GRM8: variants seen among roughly 807,000 people sequenced by gnomAD.
The protein encoded by GRM8 is metabotropic glutamate receptor 8.
In GRM8, 47 loss-of-function variants were observed where a neutral mutation model predicts 87.2. That is an observed-to-expected ratio of 0.54 (90% confidence interval 0.43 to 0.69). The LOEUF (loss-of-function observed/expected upper bound fraction) is 0.69, where lower values mean the gene tolerates loss of function less well. GRM8 is among the 30% of genes least tolerant of loss of function. The pLI is 0.00. For synonymous variants in GRM8, 396 were observed against 404.5 expected, an observed-to-expected ratio of 0.98 and a Z score of 0.25; for missense variants, 1,019 against 1,139.2, an observed-to-expected ratio of 0.89 and a Z score of 1.52.
intron 1 of GRM8, among the ~76,000 whole-genome samples, chr7:127,247,559 C>T (rs1297300548): frequency 6.6e-6 from 1 of 151,966 alleles, no homozygotes; most frequent in African/African-American, 2.4e-5. Flanking sequence ...TCCCATGCTG[C>T]AATATGTGTG....
rs35134983 is a variant in GRM8 at position 126,677,360 on chromosome 7, C to CAA, written c.1358-67864_1358-67863dup. 5.2e-3 allele frequency among the ~76,000 whole-genome samples: 600 copies of CAA among 115,840 alleles called. 1 individual carries two copies. Among genetic ancestry groups the CAA allele is most frequent in the Middle Eastern group, 9.3e-3 (2 of 216 alleles). The allele number at this position is 115,840 out of a possible 152,430, so 76.0% of individuals were successfully genotyped here. ...AATCCCACTACTAGGGGCATCCACC[C>CAA]AAAAAAAAAAAAAAAGCCATATCAA... is the stretch of plus-strand genomic sequence containing the variant. On this transcript the variant is annotated intron_variant, in intron 7 of 10. Coordinates refer to ENST00000339582, the MANE Select transcript of GRM8 (RefSeq NM_000845.3).
At chr7:126,929,402 A>C (rs952092105) in intron 3 of GRM8, among the ~76,000 whole-genome samples, 2 of 152,164 alleles carry the variant, frequency 1.3e-5, no homozygotes, top group Non-Finnish European at 2.9e-5. Context: ...GAGTGACTAA[A>C]AAACTGAGTT....
chr7:126,508,280 C>T (rs1475698359), intron 9 of GRM8, among the ~76,000 whole-genome samples: 1 of 151,604 alleles, frequency 6.6e-6, no homozygotes, highest in Non-Finnish European at 1.5e-5. Context: ...CGCAAACACA[C>T]ATTGATTTCT....
intron 9 of GRM8, among the ~76,000 whole-genome samples, chr7:126,490,815 C>T (rs1807917877): frequency 1.3e-5 from 2 of 152,210 alleles, no homozygotes; most frequent in South Asian, 4.1e-4. Context: ...ACATTGTAGA[C>T]TTTTCATATA....
rs1050223066 is a variant in GRM8, at chr7:126,533,336, T to C, written c.2046A>G (p.Lys682=). The change falls in exon 9 of 11, where the codon AAA becomes AAG. Residue 682 remains lysine, a synonymous_variant. Coordinates refer to ENST00000339582, the MANE Select transcript of GRM8 (RefSeq NM_000845.3). ...TAATGAACTTGGGCGCTGTGACAGA[T>C]TTCTTCCCCTGCTCAAATATTCGGT... The part of the protein sequence containing the change: ...RIHRIFEQGK[K]SVTAPKFISP... 6.2e-7 allele frequency: 1 copy of C among 1,613,692 alleles called. No homozygotes were observed. The highest frequency in any genetic ancestry group is 1.3e-5 in the African/African-American group (1 of 74,854).
intron 2 of GRM8, among the ~76,000 whole-genome samples, chr7:127,119,517 T>C (rs7799443): frequency 0.7 from 105,941 of 150,948 alleles, 38,821 homozygotes; most frequent in African/African-American, 0.89. Flanking sequence ...CACACACACA[T>C]GCACACACAC....
rs961264224 is a variant in GRM8, at chr7:127,137,233, A to G, written c.511-30521T>C. On this transcript the variant is annotated intron_variant, in intron 2 of 10. Transcript: ENST00000339582. ...TAAACATACACATACACACACACAC[A>G]CACACATTCCATATAGTCAGGTCAT... 3.3e-5 allele frequency among the ~76,000 whole-genome samples: 5 copies of G among 152,082 alleles called. No individual in the cohort carries two copies. The East Asian group carries it at 9.6e-4, about 29-fold the overall frequency.
intron 7 of GRM8, among the ~76,000 whole-genome samples, chr7:126,722,040 T>TATTCTAATAAAAATA (rs1326417619): frequency 1.3e-5 from 2 of 152,204 alleles, no homozygotes; most frequent in African/African-American, 4.8e-5. Flanking sequence ...AATAAAATTA[T>TATTCTAATAAAAATA]GAACTATGAC....
intron 7 of GRM8, among the ~76,000 whole-genome samples, chr7:126,724,114 C>G (rs2151463281): frequency 6.6e-6 from 1 of 152,220 alleles, no homozygotes; most frequent in South Asian, 2.1e-4. Flanking sequence ...GAGTCCTCCT[C>G]TCAAGGCTTA....
At chr7:126,677,914 C>T (rs1807155293) in intron 7 of GRM8, among the ~76,000 whole-genome samples, 2 of 152,286 alleles carry the variant, frequency 1.3e-5, no homozygotes, top group African/African-American at 4.8e-5. Flanking sequence ...GTCCCTGGAA[C>T]AACTCTCATC....
intron 2 of GRM8, among the ~76,000 whole-genome samples, chr7:127,149,537 A>G (rs1245902946): frequency 1.3e-5 from 2 of 152,080 alleles, no homozygotes; most frequent in Non-Finnish European, 1.5e-5. Flanking sequence ...GAGCTACCAT[A>G]TGACCTAACA....
intron 2 of GRM8, among the ~76,000 whole-genome samples, chr7:127,226,356 C>A (rs1797321879): frequency 6.6e-6 from 1 of 152,156 alleles, no homozygotes; most frequent in East Asian, 1.9e-4. Flanking sequence ...AAACCTATAG[C>A]CTTTTATAAA....
intron 10 of GRM8, among the ~76,000 whole-genome samples, chr7:126,445,748 C>A (rs995212625): frequency 4.6e-5 from 7 of 151,960 alleles, no homozygotes; most frequent in Non-Finnish European, 1.0e-4. Context: ...TAAGTATCAG[C>A]AAACTACTGA....
Position 126,439,292 on chromosome 7 carries a change from T to A in GRM8, c.2678-124A>T. The A allele has an allele frequency of 4.5e-6, 3 of 667,634 alleles. No individual in the cohort carries two copies. In the Admixed American group the frequency reaches 6.4e-5, roughly 14 times the overall value. 41.4% of individuals were successfully genotyped at this position (667,634 alleles called of 1,614,324 possible). On this transcript the variant is annotated intron_variant, in intron 10 of 10. Coordinates refer to ENST00000339582, the MANE Select transcript of GRM8 (RefSeq NM_000845.3). ...ATATCCAGCTTTTACAGCATGTTAC[T>A]CATTATTTTTAAACCATTCACAGTC... is the stretch of plus-strand genomic sequence containing the variant.
chr7:126,447,901 C>T (rs940774452), intron 9 of GRM8, among the ~76,000 whole-genome samples: 4 of 151,900 alleles, frequency 2.6e-5, no homozygotes, highest in South Asian at 2.1e-4. Flanking sequence ...AATGCTTTAA[C>T]GAGATTTACT....
chr7:126,478,949 G>A (rs1806325250), intron 9 of GRM8, among the ~76,000 whole-genome samples: 3 of 152,006 alleles, frequency 2.0e-5, no homozygotes, highest in Non-Finnish European at 4.4e-5. Flanking sequence ...TTAAATATGG[G>A]TAAATCTGTT....
intron 2 of GRM8, among the ~76,000 whole-genome samples, chr7:127,177,450 G>A (rs1794176011): frequency 6.6e-6 from 1 of 152,196 alleles, no homozygotes; most frequent in African/African-American, 2.4e-5. Context: ...ATAATCTTGG[G>A]AGTTCTAGGG....
chr7:126,547,960 G>A (rs1361462624), intron 8 of GRM8, among the ~76,000 whole-genome samples: 1 of 151,880 alleles, frequency 6.6e-6, no homozygotes, highest in Non-Finnish European at 1.5e-5. Context: ...AAGAGGGGGA[G>A]TTGGCTACAG....
intron 3 of GRM8, among the ~76,000 whole-genome samples, chr7:127,020,479 TC>T (rs1371317380): frequency 6.6e-6 from 1 of 151,998 alleles, no homozygotes; most frequent in African/African-American, 2.4e-5. Flanking sequence ...AAGCATCACC[TC>T]CCTGATGAGT....
Sources: gnomAD v4.1 joint callset for allele counts (sites outside exome capture counted in the v4.1 genomes callset) on GRCh38, gnomAD v4.1.1 for gene constraint, MANE v1.5 for transcripts, NCBI Gene and HGNC (gene_info 2026-07-23, HGNC 2026-07-21) for gene names.